The following PCSK7 variants were observed in gnomAD, a reference collection of about 807,000 sequenced individuals.
PCSK7 encodes proprotein convertase subtilisin/kexin type 7.
Under a neutral mutation model 73.3 loss-of-function variants are expected in PCSK7, and 38 were observed. That is an observed-to-expected ratio of 0.52 (90% CI 0.40 to 0.68). The LOEUF (loss-of-function observed/expected upper bound fraction) is 0.68, where lower values mean the gene tolerates loss of function less well. PCSK7 is among the 30% of genes least tolerant of loss of function. PCSK7 has a pLI of 0.00. For synonymous variants in PCSK7, 296 were observed against 383.8 expected, an observed-to-expected ratio of 0.77 and a Z score of 2.68; for missense variants, 692 against 991.5, an observed-to-expected ratio of 0.70 and a Z score of 4.06.
chr11:117,229,150 T>C (rs1381620177), intron 3 of PCSK7, among the ~76,000 whole-genome samples: 1 of 152,202 alleles, frequency 6.6e-6, no homozygotes, highest in Non-Finnish European at 1.5e-5. Context: ...AGCTGGACCA[T>C]GAGCCCAGGC....
intron 12 of PCSK7, chr11:117,213,956 CTTTTTTTT>C (rs1174445276): frequency 5.3e-5 from 5 of 93,952 alleles, no homozygotes; most frequent in Non-Finnish European, 1.0e-4. Flanking sequence ...TTTTCTTTTT[CTTTTTTTT>C]TTTTTTTTTT....
At chr11:117,213,816 G>A (rs1309520371) in intron 12 of PCSK7, 7 of 152,092 alleles carry the variant, frequency 4.6e-5, no homozygotes, top group East Asian at 3.8e-4. Context: ...ATGAGCTAAC[G>A]CTGCGAACAG....
At chr11:117,221,972 C>G (rs2032214462) in intron 9 of PCSK7, 1 of 152,154 alleles carries the variant, frequency 6.6e-6, no homozygotes, top group African/African-American at 2.4e-5. Flanking sequence ...TGGCACAGAG[C>G]CTTGGAACAT....
At chr11:117,214,224 T>G (rs1276868607) in intron 12 of PCSK7, 1 of 152,224 alleles carries the variant, frequency 6.6e-6, no homozygotes, top group African/African-American at 2.4e-5. Context: ...CCCAAAGTGC[T>G]GTGATTACAG....
chr11:117,224,793 C>G, intron 6 of PCSK7, 38 bp from the exon 7 acceptor site: 1 of 1,543,882 alleles, frequency 6.5e-7, no homozygotes, highest in Non-Finnish European at 9.0e-7. Context: ...ACAGCCAGAG[C>G]CAGGCTGCGG....
intron 10 of PCSK7, chr11:117,219,368 G>C: frequency 1.6e-6 from 1 of 630,280 alleles, no homozygotes; most frequent in Non-Finnish European, 2.7e-6. Flanking sequence ...TCTAGAGAAG[G>C]GGCCAGGAGG....
chr11:117,210,963 G>A (rs2031704808), intron 12 of PCSK7: 1 of 152,130 alleles, frequency 6.6e-6, no homozygotes, highest in Admixed American at 6.6e-5. Flanking sequence ...CAATATGCAA[G>A]GCAGAGTACA....
rs1249892400 is a variant in PCSK7 at position 117,229,455 on chromosome 11, G to A, written c.390C>T (p.His130=). Residue 130 remains histidine (H), a synonymous_variant, in exon 3 of 17, where the codon CAC becomes CAT. Coordinates refer to ENST00000320934, the MANE Select transcript of PCSK7 (RefSeq NM_004716.4). ...VLAGHEAVRW[H]SEQRLLRRAK... is the part of the protein sequence containing the mutation. ...CCCGCCTTAGCAGCCTCTGCTCTGA[G>A]TGCCAGCGCACAGCTTCATGCCCAG... 1.2e-6 allele frequency: 2 copies of A among 1,611,168 alleles called. No individual in the cohort carries two copies. The highest frequency in any genetic ancestry group is 1.7e-5 in the Admixed American group (1 of 60,028).
At chr11:117,227,002 C>G in intron 5 of PCSK7, 155 bp downstream of exon 5, 1 of 582,000 alleles carries the variant, frequency 1.7e-6, no homozygotes, top group Non-Finnish European at 3.0e-6. Flanking sequence ...GCTGATATGT[C>G]CTACAGACAC....
intron 9 of PCSK7, chr11:117,220,625 C>T (rs897448645): frequency 2.0e-5 from 3 of 152,350 alleles, no homozygotes; most frequent in African/African-American, 7.2e-5. Context: ...CTTCAACCCC[C>T]ACAACCAAGC....
chr11:117,219,559 C>T, intron 10 of PCSK7, 32 bp downstream of exon 10: 1 of 1,606,042 alleles, frequency 6.2e-7, no homozygotes, highest in Admixed American at 1.7e-5. Context: ...GCAGGCTGGG[C>T]CAGGCCACTT....
At chr11:117,227,349 G>T in intron 4 of PCSK7, 27 bp from the exon 5 acceptor site, 1 of 1,585,314 alleles carries the variant, frequency 6.3e-7, no homozygotes, top group Non-Finnish European at 8.7e-7. Context: ...GTGACATGTG[G>T]TCATTCACTG....
chr11:117,204,575 C>G lies in PCSK7; in HGVS notation c.*1422G>C. 1 of 716,624 alleles carries G rather than the reference C, an allele frequency of 1.4e-6. No homozygotes were observed. Among genetic ancestry groups the G allele is most frequent in the Non-Finnish European group, 2.4e-6 (1 of 413,834 alleles). The allele number at this position is 716,624 out of a possible 1,614,324, so 44.4% of individuals were successfully genotyped here. A position where few individuals can be genotyped will look rare whatever the true frequency, so the allele number is the denominator to read the frequency against. ...CCCGAAAGCATCACTGCCTTGGCCC[C>G]TCCCTCCCGGCTGCCCCCATCACCT... On this transcript the variant is annotated 3_prime_UTR_variant, in exon 17 of 17. Coordinates refer to ENST00000320934, the MANE Select transcript of PCSK7 (RefSeq NM_004716.4).
chr11:117,217,241 G>A (rs1430096066), intron 12 of PCSK7: 10 of 152,182 alleles, frequency 6.6e-5, no homozygotes, highest in African/African-American at 1.9e-4. Flanking sequence ...AGAGGATGAC[G>A]AAGCTGGGAA....
Position 117,218,586 on chromosome 11 carries a change from G to A in PCSK7, c.1432-18C>T. The A allele has an allele frequency of 2.8e-6, 4 of 1,404,606 alleles. No homozygotes were observed. The highest frequency in any genetic ancestry group is 2.4e-5 in the South Asian group (2 of 82,620). The allele number at this position is 1,404,606 out of a possible 1,614,324, so 87.0% of individuals were successfully genotyped here. The stretch of plus-strand genomic sequence containing the variant: ...GTCCAGATCTATGAAAGGAAAGGAG[G>A]GGATGGCAAATCAACAAACAAGAAT... On this transcript the variant is annotated intron_variant, in intron 11 of 16. Transcript: ENST00000320934. This position sits in a 1 kb window ranked among gnomAD's most constrained non-coding sequence, Gnocchi z 4.0.
In PCSK7 at chr11:117,204,709, C is replaced by T. The variant is rs921015202; in HGVS notation, c.*1288G>A. On this transcript the variant is annotated 3_prime_UTR_variant, in exon 17 of 17. Transcript: ENST00000320934. ...CGGCAAAAGCCCATTGAAGAAGAAC[C>T]AGCCCAGCCTGCCCCCTATCTTGTC... The T allele has an allele frequency of 2.6e-6, 1 of 381,276 alleles. No individual in the cohort carries two copies. The highest frequency in any genetic ancestry group is 5.0e-6 in the Non-Finnish European group (1 of 200,810). The allele number at this position is 381,276 out of a possible 1,614,324, so 23.6% of individuals were successfully genotyped here.
chr11:117,229,281 A>G, intron 3 of PCSK7, 96 bp downstream of exon 3: 12 of 932,972 alleles, frequency 1.3e-5, no homozygotes, highest in Non-Finnish European at 2.0e-5. Flanking sequence ...CAGGCAAAGG[A>G]TGGAGGTGAC....
chr11:117,223,683 A>C (rs1591802168), intron 8 of PCSK7: 1 of 348,220 alleles, frequency 2.9e-6, no homozygotes, highest in East Asian at 5.6e-5. Context: ...AGTCTCGAGG[A>C]GCCTAGAGTC....
chr11:117,228,087 G>A, intron 4 of PCSK7, 129 bp downstream of exon 4: 1 of 834,576 alleles, frequency 1.2e-6, no homozygotes, highest in Non-Finnish European at 1.9e-6. Context: ...AGAAGAGGAT[G>A]AACCCCATCC....
Sources: gnomAD v4.1 joint callset for allele counts (sites outside exome capture counted in the v4.1 genomes callset) on GRCh38, gnomAD v4.1.1 for gene constraint, Gnocchi (gnomAD v3.1) non-coding constraint, MANE v1.5 for transcripts, NCBI Gene and HGNC (gene_info 2026-07-23, HGNC 2026-07-21) for gene names.